SLC25A26: variants seen among roughly 807,000 people sequenced by gnomAD.
The protein encoded by SLC25A26 is mitochondrial S-adenosylmethionine carrier protein.
SLC25A26 carries 36 observed loss-of-function variants against 37.8 expected under a neutral mutation model. The observed-to-expected ratio is 0.95, with a 90% CI of 0.73 to 1.26. SLC25A26 has a LOEUF of 1.26. Among genes scored for constraint, SLC25A26 ranks in the 50% most tolerant of loss-of-function variants. The pLI is 0.00. For missense variants in SLC25A26, 390 were observed against 331.1 expected (o/e 1.18, Z -1.38); for synonymous variants, 129 against 122.5 (o/e 1.05, Z -0.35).
intron 6 of SLC25A26, among the ~76,000 whole-genome samples, chr3:66,357,684 T>C (rs531395788): frequency 3.3e-5 from 5 of 152,088 alleles, no homozygotes; most frequent in South Asian, 4.1e-4. Context: ...TGAGAAATTA[T>C]GGAAATTTAG....
At chr3:66,279,218 G>T (rs779949916) in intron 5 of SLC25A26, among the ~76,000 whole-genome samples, 9 of 152,020 alleles carry the variant, frequency 5.9e-5, no homozygotes, top group Admixed American at 2.0e-4. Context: ...CTTTTGTCCT[G>T]AGTCCCCTTT....
intron 3 of SLC25A26, among the ~76,000 whole-genome samples, chr3:66,248,394 T>C (rs2072941197): frequency 6.6e-6 from 1 of 152,190 alleles, no homozygotes; most frequent in Non-Finnish European, 1.5e-5. Context: ...TCAGTTTTCA[T>C]CACACACAGA....
intron 5 of SLC25A26, among the ~76,000 whole-genome samples, chr3:66,281,735 C>A (rs1285094139): frequency 1.3e-5 from 2 of 151,360 alleles, no homozygotes; most frequent in Non-Finnish European, 2.9e-5. Context: ...TAGTATTATT[C>A]TTTTGATACT....
chr3:66,282,050 G>A (rs887262386), intron 5 of SLC25A26, among the ~76,000 whole-genome samples: 1 of 131,554 alleles, frequency 7.6e-6, no homozygotes, highest in Non-Finnish European at 1.5e-5. Flanking sequence ...TGTCGCCCAG[G>A]CCGGACTGCG....
chr3:66,145,707 A>G (rs1164652005), intron 1 of SLC25A26, among the ~76,000 whole-genome samples: 1 of 152,216 alleles, frequency 6.6e-6, no homozygotes, highest in Non-Finnish European at 1.5e-5. Flanking sequence ...AGAAATTAGA[A>G]GGTGTTCCAT....
intron 5 of SLC25A26, among the ~76,000 whole-genome samples, chr3:66,285,197 A>T (rs1163341942): frequency 6.6e-6 from 1 of 152,140 alleles, no homozygotes; most frequent in Non-Finnish European, 1.5e-5. Context: ...GAAGAAAGGT[A>T]AAAACAGTGT....
intron 5 of SLC25A26, among the ~76,000 whole-genome samples, chr3:66,333,119 C>G (rs2076015453): frequency 6.6e-6 from 1 of 151,952 alleles, no homozygotes; most frequent in Non-Finnish European, 1.5e-5. Flanking sequence ...AAAATATTTT[C>G]TTACAGAGTC....
At chr3:66,277,007 A>G (rs1314036417) in intron 5 of SLC25A26, among the ~76,000 whole-genome samples, 4 of 151,800 alleles carry the variant, frequency 2.6e-5, no homozygotes, top group Admixed American at 1.3e-4. Context: ...TAAGCATAAT[A>G]GTGTTTTCCG....
chr3:66,270,877 A>G (rs2073933711), intron 5 of SLC25A26, among the ~76,000 whole-genome samples: 1 of 152,152 alleles, frequency 6.6e-6, no homozygotes, highest in Non-Finnish European at 1.5e-5. Flanking sequence ...GTTTACATGA[A>G]ACCAGCTGCT....
chr3:66,263,619 G>C (rs556571459), intron 5 of SLC25A26, among the ~76,000 whole-genome samples: 1 of 152,210 alleles, frequency 6.6e-6, no homozygotes, highest in East Asian at 1.9e-4. Context: ...TTACTGACTT[G>C]TTATTCTAGG....
intron 1 of SLC25A26, among the ~76,000 whole-genome samples, chr3:66,182,980 G>A (rs1161096046): frequency 6.6e-6 from 1 of 152,114 alleles, no homozygotes; most frequent in Non-Finnish European, 1.5e-5. Flanking sequence ...TGGACAGCAG[G>A]GGATGCGGAG....
At chr3:66,311,838 C>T (rs952085470) in intron 5 of SLC25A26, among the ~76,000 whole-genome samples, 1 of 152,138 alleles carries the variant, frequency 6.6e-6, no homozygotes, top group African/African-American at 2.4e-5. Flanking sequence ...AACAGCAAAG[C>T]TTGCTGCCTG....
At chr3:66,219,719 T>C (rs954956859), upstream of SLC25A26, among the ~76,000 whole-genome samples, 104 of 152,282 alleles carry the variant, frequency 6.8e-4, no homozygotes, top group Admixed American at 3.9e-4. Flanking sequence ...ACTGTCTCCA[T>C]TGGCAGCAGA....
chr3:66,234,501 G>C (rs2072182121), intron 1 of SLC25A26, among the ~76,000 whole-genome samples: 1 of 152,136 alleles, frequency 6.6e-6, no homozygotes, highest in South Asian at 2.1e-4. Flanking sequence ...TAGAACTTCA[G>C]GGTCTTTGGG....
At chr3:66,144,691 C>T (rs577446170) in intron 1 of SLC25A26, among the ~76,000 whole-genome samples, 2 of 152,134 alleles carry the variant, frequency 1.3e-5, no homozygotes, top group South Asian at 4.1e-4. Flanking sequence ...TGCACCGAGG[C>T]TGAGAAAATA....
chr3:66,236,206 CTTTTTTTTTT>C (rs1168848606), intron 1 of SLC25A26, among the ~76,000 whole-genome samples: 11 of 82,904 alleles, frequency 1.3e-4, no homozygotes, highest in Non-Finnish European at 1.6e-4. Flanking sequence ...CACATCTGGA[CTTTTTTTTTT>C]TTTTTTTTTT....
chr3:66,209,370 T>TATAC (rs2071241939), intron 1 of SLC25A26, among the ~76,000 whole-genome samples: 2 of 140,416 alleles, frequency 1.4e-5, no homozygotes, highest in African/African-American at 5.1e-5. Context: ...TATGTATATA[T>TATAC]ATACATATGT....
At chr3:66,198,984 A>C (rs1453253725) in intron 1 of SLC25A26, among the ~76,000 whole-genome samples, 3 of 151,254 alleles carry the variant, frequency 2.0e-5, no homozygotes, top group Non-Finnish European at 4.4e-5. Context: ...CCCCAACCCT[A>C]ACCATGGCCG....
chr3:66,138,054 G>C (rs565327531), intron 1 of SLC25A26, among the ~76,000 whole-genome samples: 2 of 151,324 alleles, frequency 1.3e-5, no homozygotes, highest in Non-Finnish European at 2.9e-5. Context: ...GGTTGGTCTC[G>C]AACTCCTGAC....
Sources: gnomAD v4.1 joint callset for allele counts (sites outside exome capture counted in the v4.1 genomes callset) on GRCh38, gnomAD v4.1.1 for gene constraint, MANE v1.5 for transcripts, NCBI Gene and HGNC (gene_info 2026-07-23, HGNC 2026-07-21) for gene names.